XRRA1: variants seen among roughly 807,000 people sequenced by gnomAD.
The protein encoded by XRRA1 is X-ray radiation resistance-associated protein 1.
XRRA1 carries 69 observed loss-of-function variants against 80.2 expected under a neutral mutation model. The ratio of observed to expected loss-of-function variants is 0.86; its 90% confidence interval spans 0.71 to 1.05. The LOEUF (loss-of-function observed/expected upper bound fraction) is 1.05, where lower values mean the gene tolerates loss of function less well. Ranked by LOEUF, XRRA1 falls within the 50% of genes least tolerant of loss-of-function variation. The pLI is 0.00. For synonymous variants in XRRA1, 348 were observed against 389.9 expected, an observed-to-expected ratio of 0.89 and a Z score of 1.27; for missense variants, 967 against 976.4, an observed-to-expected ratio of 0.99 and a Z score of 0.13.
chr11:74,934,784 C>T (rs907546137), intron 4 of XRRA1, among the ~76,000 whole-genome samples: 3 of 151,676 alleles, frequency 2.0e-5, no homozygotes, highest in African/African-American at 4.9e-5. Context: ...TTTTATCCTA[C>T]GACAAATAGA....
At chr11:74,861,909 A>G (rs1591688809) in intron 11 of XRRA1, among the ~76,000 whole-genome samples, 1 of 152,294 alleles carries the variant, frequency 6.6e-6, no homozygotes, top group East Asian at 1.9e-4. Context: ...AGTGAAGGAA[A>G]TCTTTTTGGG....
At chr11:74,891,353 GC>G (rs1440866544) in intron 10 of XRRA1, among the ~76,000 whole-genome samples, 2 of 152,192 alleles carry the variant, frequency 1.3e-5, no homozygotes, top group African/African-American at 4.8e-5. Flanking sequence ...AAATTCAACA[GC>G]CCTTCATGCT....
chr11:74,896,788 A>G (rs1374886205), intron 10 of XRRA1, among the ~76,000 whole-genome samples: 1 of 152,218 alleles, frequency 6.6e-6, no homozygotes, highest in Non-Finnish European at 1.5e-5. Flanking sequence ...TCCGCCTGGT[A>G]ATCCAGAGAA....
In XRRA1 at chr11:74,843,166, G is replaced by A; in HGVS notation, c.*34C>T. ...AGCCCTCGGGGAGAGCTGGGGCACA[G>A]GCCGGGTGGTGCACACAGCCCCCAT... On this transcript the variant is annotated 3_prime_UTR_variant, in exon 19 of 19. Coordinates refer to ENST00000684022, the MANE Select transcript of XRRA1 (RefSeq NM_001378157.1). 6 of 1,530,730 alleles carry A rather than the reference G, an allele frequency of 3.9e-6. No homozygotes were observed. In the South Asian group the frequency reaches 6.1e-5, roughly 16 times the overall value. The allele number at this position is 1,530,730 out of a possible 1,614,324, so 94.8% of individuals were successfully genotyped here. A position where few individuals can be genotyped will look rare whatever the true frequency, so the allele number is the denominator to read the frequency against.
intron 10 of XRRA1, among the ~76,000 whole-genome samples, chr11:74,880,289 T>A (rs1326496916): frequency 6.6e-6 from 1 of 152,254 alleles, no homozygotes; most frequent in African/African-American, 2.4e-5. Flanking sequence ...GTAGTTTGTA[T>A]TTCTGTGGGA....
intron 5 of XRRA1, among the ~76,000 whole-genome samples, chr11:74,932,056 T>TA (rs1297340252): frequency 1.3e-5 from 2 of 152,196 alleles, no homozygotes; most frequent in Non-Finnish European, 2.9e-5. Context: ...ATTTATCTGT[T>TA]GTCTATTTTT....
At chr11:74,905,351 G>A (rs372506717) in intron 10 of XRRA1, among the ~76,000 whole-genome samples, 145 of 152,194 alleles carry the variant, frequency 9.5e-4, no homozygotes, top group African/African-American at 2.9e-3. Flanking sequence ...CACTGTGCCC[G>A]GCCAGTTATT....
chr11:74,881,913 T>C (rs1249523470), intron 10 of XRRA1, among the ~76,000 whole-genome samples: 17 of 147,140 alleles, frequency 1.2e-4, no homozygotes, highest in African/African-American at 2.8e-4. Context: ...GAGGGTAACC[T>C]GACCTTTCTC....
At chr11:74,859,956 C>T (rs2041976170) in intron 11 of XRRA1, among the ~76,000 whole-genome samples, 1 of 152,054 alleles carries the variant, frequency 6.6e-6, no homozygotes, top group Admixed American at 6.6e-5. Context: ...GTTGGTTTAA[C>T]TATACATAAC....
At chr11:74,888,996 G>A (rs1205810143) in intron 10 of XRRA1, among the ~76,000 whole-genome samples, 5 of 152,218 alleles carry the variant, frequency 3.3e-5, no homozygotes, top group African/African-American at 1.2e-4. Context: ...TATTATCCAG[G>A]AGAACTTCCC....
chr11:74,885,291 C>A (rs1479032336), intron 10 of XRRA1, among the ~76,000 whole-genome samples: 1 of 151,966 alleles, frequency 6.6e-6, no homozygotes, highest in Non-Finnish European at 1.5e-5. Context: ...TCAACAAATA[C>A]AGGAGTTGTT....
At chr11:74,848,073 G>A in intron 15 of XRRA1, 42 bp downstream of exon 15, 1 of 1,554,472 alleles carries the variant, frequency 6.4e-7, no homozygotes, top group South Asian at 1.2e-5. Context: ...GGAACCTGTG[G>A]GAGCTAGCAA....
chr11:74,863,657 G>C (rs969787140), intron 10 of XRRA1: 1 of 152,300 alleles, frequency 6.6e-6, no homozygotes. Flanking sequence ...GCATCTGCTG[G>C]GACTAGATCC....
At chr11:74,888,649 C>G (rs2049767900) in intron 10 of XRRA1, among the ~76,000 whole-genome samples, 1 of 152,068 alleles carries the variant, frequency 6.6e-6, no homozygotes, top group South Asian at 2.1e-4. Flanking sequence ...GAACCCATGG[C>G]AAAGAAGTTA....
intron 15 of XRRA1, 25 bp from the exon 16 acceptor site, chr11:74,845,296 C>T (rs751283432): frequency 1.3e-6 from 2 of 1,586,688 alleles, no homozygotes. Context: ...AAAACGCATT[C>T]ATTTGTCACT....
chr11:74,852,126 C>T, intron 12 of XRRA1, 44 bp from the exon 13 acceptor site: 1 of 1,518,314 alleles, frequency 6.6e-7, no homozygotes, highest in Non-Finnish European at 9.1e-7. Context: ...CACCACCCCT[C>T]ACCTCTACCC....
chr11:74,907,344 G>T, intron 8 of XRRA1, 71 bp from the exon 9 acceptor site: 2 of 1,583,834 alleles, frequency 1.3e-6, no homozygotes, highest in Non-Finnish European at 1.7e-6. Flanking sequence ...GGAAGCCATG[G>T]AGGACAGGGA....
At chr11:74,882,005 G>A (rs1206269357) in intron 10 of XRRA1, among the ~76,000 whole-genome samples, 2 of 144,934 alleles carry the variant, frequency 1.4e-5, no homozygotes, top group Non-Finnish European at 3.0e-5. Context: ...CTCTTCTCAA[G>A]GAGTATCTTT....
At chr11:74,858,872 A>G (rs189475606) in intron 12 of XRRA1, among the ~76,000 whole-genome samples, 1 of 152,294 alleles carries the variant, frequency 6.6e-6, no homozygotes, top group Admixed American at 6.5e-5. Context: ...CTTATAGGTG[A>G]TAAGTTGCAA....
Sources: allele counts gnomAD v4.1 joint callset (sites outside exome capture counted in the v4.1 genomes callset), GRCh38; gene constraint gnomAD v4.1.1; transcripts MANE v1.5; gene names NCBI Gene and HGNC (gene_info 2026-07-23, HGNC 2026-07-21).